The following ASIC2 variants were observed in gnomAD, a reference collection of about 807,000 sequenced individuals.
The protein encoded by ASIC2 is acid-sensing ion channel 2.
Under a neutral mutation model 57.3 loss-of-function variants are expected in ASIC2, and 25 were observed. The ratio of observed to expected loss-of-function variants is 0.44; its 90% CI spans 0.32 to 0.61. The LOEUF (loss-of-function observed/expected upper bound fraction) is 0.61, where lower values mean the gene tolerates loss of function less well. Ranked by LOEUF, ASIC2 falls within the 20% of genes least tolerant of loss-of-function variation. The pLI, the probability that ASIC2 is intolerant of heterozygous loss-of-function variation, is 0.06. For synonymous variants in ASIC2, 319 were observed against 307.5 expected, an observed-to-expected ratio of 1.04 and a Z score of -0.39; for missense variants, 641 against 738.1, an observed-to-expected ratio of 0.87 and a Z score of 1.52.
At chr17:33,416,986 T>C (rs2141968667) in intron 1 of ASIC2, among the ~76,000 whole-genome samples, 1 of 152,256 alleles carries the variant, frequency 6.6e-6, no homozygotes, top group East Asian at 1.9e-4. Context: ...GCTTAATGGC[T>C]TAACCCAGGT....
intron 1 of ASIC2, among the ~76,000 whole-genome samples, chr17:33,535,772 AAAG>A (rs1471307179): frequency 1.3e-5 from 2 of 152,226 alleles, no homozygotes; most frequent in Non-Finnish European, 2.9e-5. Context: ...AAAAAATAAA[AAAG>A]AAGTCGTGTA....
At chr17:33,149,691 T>C (rs1250860390) in intron 1 of ASIC2, among the ~76,000 whole-genome samples, 1 of 152,036 alleles carries the variant, frequency 6.6e-6, no homozygotes, top group African/African-American at 2.4e-5. Context: ...GACTTAAAAA[T>C]TGAAAAAAAA....
intron 1 of ASIC2, among the ~76,000 whole-genome samples, chr17:33,638,536 T>G (rs925625598): frequency 6.6e-6 from 1 of 152,170 alleles, no homozygotes. Flanking sequence ...GCACACCATT[T>G]GCATGAATGC....
At chr17:33,085,561 A>G (rs115022262) in intron 3 of ASIC2, among the ~76,000 whole-genome samples, 1,574 of 152,334 alleles carry the variant, frequency 0.01, 34 homozygotes, top group African/African-American at 0.036. Context: ...CCGCTAATCT[A>G]CAGGCTCTGT....
At chr17:33,515,274 C>T (rs1914532376) in intron 1 of ASIC2, among the ~76,000 whole-genome samples, 1 of 152,178 alleles carries the variant, frequency 6.6e-6, no homozygotes, top group Non-Finnish European at 1.5e-5. Flanking sequence ...CCCATACACT[C>T]CAGCCCTGCC....
chr17:34,073,793 G>T (rs1303703325), intron 1 of ASIC2, among the ~76,000 whole-genome samples: 1 of 152,154 alleles, frequency 6.6e-6, no homozygotes, highest in Non-Finnish European at 1.5e-5. Flanking sequence ...GGCAACAGTG[G>T]GAGGGGAAGG....
chr17:34,021,473 T>C (rs951544514), intron 1 of ASIC2, among the ~76,000 whole-genome samples: 4 of 152,170 alleles, frequency 2.6e-5, no homozygotes, highest in Admixed American at 6.5e-5. Context: ...TCCTTTTCCC[T>C]AGGGCAGGGC....
At chr17:33,016,749 C>T (rs1038137044) in intron 8 of ASIC2, among the ~76,000 whole-genome samples, 5 of 152,036 alleles carry the variant, frequency 3.3e-5, no homozygotes, top group African/African-American at 1.2e-4. Context: ...CATGGTTCTG[C>T]AGGCTCCCGT....
chr17:33,964,418 T>A (rs536351555), intron 1 of ASIC2, among the ~76,000 whole-genome samples: 24 of 152,230 alleles, frequency 1.6e-4, no homozygotes, highest in Non-Finnish European at 3.5e-4. Context: ...CACTCAGTAG[T>A]CTTACATATT....
At chr17:33,885,806 A>C (rs1914815317) in intron 1 of ASIC2, among the ~76,000 whole-genome samples, 1 of 152,206 alleles carries the variant, frequency 6.6e-6, no homozygotes. Flanking sequence ...TTTCTTCTGC[A>C]CTCTGGAAGC....
chr17:33,109,712 C>G (rs557314614), intron 2 of ASIC2, among the ~76,000 whole-genome samples: 1 of 150,900 alleles, frequency 6.6e-6, no homozygotes, highest in African/African-American at 2.5e-5. Flanking sequence ...TATGAATTTT[C>G]TCTGAATTGG....
intron 1 of ASIC2, among the ~76,000 whole-genome samples, chr17:34,046,743 T>C (rs9912872): frequency 0.17 from 25,335 of 152,240 alleles, 2,498 homozygotes; most frequent in East Asian, 0.28. Context: ...AAAGCTGTTA[T>C]GTTGTTAATA....
chr17:33,892,502 T>C (rs144296842), intron 1 of ASIC2, among the ~76,000 whole-genome samples: 20 of 152,230 alleles, frequency 1.3e-4, no homozygotes, highest in Non-Finnish European at 2.4e-4. Context: ...CTATCTACTT[T>C]CTCCTTGAAA....
intron 1 of ASIC2, among the ~76,000 whole-genome samples, chr17:33,766,620 A>G (rs2142116787): frequency 6.6e-6 from 1 of 152,288 alleles, no homozygotes; most frequent in Non-Finnish European, 1.5e-5. Context: ...GTAGCATCCT[A>G]AATGTGGGAT....
chr17:33,745,182 C>T (rs529568354), intron 1 of ASIC2, among the ~76,000 whole-genome samples: 12 of 152,280 alleles, frequency 7.9e-5, no homozygotes, highest in African/African-American at 1.7e-4. Flanking sequence ...CCCCCAGTTC[C>T]GCCTGATGAA....
At chr17:33,258,074 T>C (rs1290550772) in intron 1 of ASIC2, among the ~76,000 whole-genome samples, 2 of 152,340 alleles carry the variant, frequency 1.3e-5, no homozygotes, top group East Asian at 3.9e-4. Context: ...TGCTGAGTAT[T>C]TTGCATGCTT....
intron 1 of ASIC2, among the ~76,000 whole-genome samples, chr17:33,960,474 T>C (rs1904884661): frequency 6.6e-6 from 1 of 152,236 alleles, no homozygotes; most frequent in African/African-American, 2.4e-5. Flanking sequence ...AGATTGATCC[T>C]GGACCATTAC....
intron 1 of ASIC2, among the ~76,000 whole-genome samples, chr17:33,298,327 T>C (rs1251062973): frequency 6.6e-6 from 1 of 151,866 alleles, no homozygotes; most frequent in African/African-American, 2.4e-5. Flanking sequence ...AGTTCCCACC[T>C]ATGAGTGAGA....
intron 1 of ASIC2, among the ~76,000 whole-genome samples, chr17:33,878,167 G>A (rs1310026180): frequency 6.6e-6 from 1 of 152,168 alleles, no homozygotes; most frequent in Non-Finnish European, 1.5e-5. Context: ...AAAAAACAGA[G>A]CAGAAAAACT....
Sources: gnomAD v4.1 joint callset for allele counts (sites outside exome capture counted in the v4.1 genomes callset) on GRCh38, gnomAD v4.1.1 for gene constraint, MANE v1.5 for transcripts, NCBI Gene and HGNC (gene_info 2026-07-23, HGNC 2026-07-21) for gene names.